The following RAPGEF1 variants were observed in gnomAD, a reference collection of about 807,000 sequenced individuals.
RAPGEF1 encodes CRK SH3-binding GNRP.
Under a neutral mutation model 143.3 loss-of-function variants are expected in RAPGEF1, and 33 were observed. The observed-to-expected ratio is 0.23, with a 90% confidence interval of 0.17 to 0.31. The LOEUF is 0.31. RAPGEF1 is among the 10% of genes least tolerant of loss of function. The pLI, the probability that RAPGEF1 is intolerant of heterozygous loss-of-function variation, is 1.00. For missense variants in RAPGEF1, 1,199 were observed against 1,645.4 expected (o/e 0.73, Z 4.69); for synonymous variants, 629 against 676.5 (o/e 0.93, Z 1.09).
rs1270857015 is a variant in RAPGEF1 at position 131,675,963 on chromosome 9, A to G, written c.62-25014T>C. ...GTGGCCCAGGCTGGAGTGTAGTGGC[A>G]TGGTCGTAGCTCACTACAGCCTTGA... On this transcript the variant is annotated intron_variant, in intron 1 of 26. Coordinates refer to ENST00000683357, the MANE Select transcript of RAPGEF1 (RefSeq NM_001377935.1). The surrounding 1 kb of genome is among the most constrained non-coding windows in gnomAD (Gnocchi z 4.6). Among the ~76,000 whole-genome samples, 2 of 150,558 alleles carry G rather than the reference A, an allele frequency of 1.3e-5. No individual in the cohort carries two copies. Among genetic ancestry groups the G allele is most frequent in the African/African-American group, 4.9e-5 (2 of 40,762 alleles).
Position 131,675,770 on chromosome 9 carries a change from T to C in RAPGEF1, c.62-24821A>G, listed in dbSNP as rs916687422. On this transcript the variant is annotated intron_variant, in intron 1 of 26. Coordinates refer to ENST00000683357, the MANE Select transcript of RAPGEF1 (RefSeq NM_001377935.1). This position sits in a 1 kb window ranked among gnomAD's most constrained non-coding sequence, Gnocchi z 4.6. ...CCTGTAATTTACTGAGCACTTACTA[T>C]ACGCCAGCCCTGACAGGCAGACATT... 2.6e-5 allele frequency among the ~76,000 whole-genome samples: 4 copies of C among 152,240 alleles called. No homozygotes were observed. Among genetic ancestry groups the C allele is most frequent in the Non-Finnish European group, 4.4e-5 (3 of 68,044 alleles).
intron 4 of RAPGEF1, among the ~76,000 whole-genome samples, chr9:131,642,533 T>A (rs1427904403): frequency 6.6e-6 from 1 of 152,212 alleles, no homozygotes; most frequent in Non-Finnish European, 1.5e-5. Context: ...AGGCTGCGCC[T>A]CCTGAACACG....
intron 1 of RAPGEF1, among the ~76,000 whole-genome samples, chr9:131,689,371 T>C (rs1259456012): frequency 6.6e-6 from 1 of 152,182 alleles, no homozygotes; most frequent in African/African-American, 2.4e-5. Flanking sequence ...ATCAATATAC[T>C]AATGCGACAT....
At chr9:131,669,094 C>G (rs1443820500) in intron 1 of RAPGEF1, among the ~76,000 whole-genome samples, 1 of 152,180 alleles carries the variant, frequency 6.6e-6, no homozygotes, top group Non-Finnish European at 1.5e-5. Context: ...GGGGCTGGGT[C>G]GTGGTGATGG....
chr9:131,683,835 G>A (rs1833112799), intron 1 of RAPGEF1, among the ~76,000 whole-genome samples: 1 of 152,100 alleles, frequency 6.6e-6, no homozygotes, highest in South Asian at 2.1e-4. Flanking sequence ...ACAGTTAATT[G>A]AAAATGCTCA....
At chr9:131,660,464 C>G (rs952108340) in intron 1 of RAPGEF1, among the ~76,000 whole-genome samples, 1 of 149,620 alleles carries the variant, frequency 6.7e-6, no homozygotes, top group Non-Finnish European at 1.5e-5. Flanking sequence ...AAACAACAAG[C>G]CATTGTGGGC....
chr9:131,707,615 A>G (rs1835171938), intron 1 of RAPGEF1, among the ~76,000 whole-genome samples: 1 of 151,936 alleles, frequency 6.6e-6, no homozygotes, highest in South Asian at 2.1e-4. Context: ...TAATTTTTGT[A>G]TTTTTAGTAG....
intron 1 of RAPGEF1, among the ~76,000 whole-genome samples, chr9:131,694,445 G>T (rs1461358556): frequency 2.0e-5 from 3 of 152,224 alleles, no homozygotes; most frequent in Admixed American, 6.5e-5. Context: ...GAAAAGCTTT[G>T]TGCCAAATAC....
At chr9:131,730,193 CAAA>C (rs57402366) in intron 1 of RAPGEF1, among the ~76,000 whole-genome samples, 85 of 66,978 alleles carry the variant, frequency 1.3e-3, no homozygotes, top group Admixed American at 2.0e-3. Flanking sequence ...GACTCCCTCT[CAAA>C]AAAAAAAAAA....
At chr9:131,685,109 C>T (rs1045636199) in intron 1 of RAPGEF1, among the ~76,000 whole-genome samples, 1 of 152,160 alleles carries the variant, frequency 6.6e-6, no homozygotes, top group Non-Finnish European at 1.5e-5. Context: ...ACTTACTGGA[C>T]ATATTTATCT....
intron 1 of RAPGEF1, among the ~76,000 whole-genome samples, chr9:131,680,972 G>A (rs181328207): frequency 2.0e-5 from 3 of 152,204 alleles, no homozygotes; most frequent in East Asian, 3.9e-4. Flanking sequence ...GAGGACACCC[G>A]AGTACTCTCA....
chr9:131,658,516 T>C (rs898125317), intron 1 of RAPGEF1, among the ~76,000 whole-genome samples: 1 of 152,242 alleles, frequency 6.6e-6, no homozygotes, highest in Non-Finnish European at 1.5e-5. Flanking sequence ...TAGTCATTCC[T>C]TCCAGAGGAA....
chr9:131,645,528 C>T (rs933232099), intron 3 of RAPGEF1, among the ~76,000 whole-genome samples: 8 of 152,256 alleles, frequency 5.3e-5, no homozygotes, highest in African/African-American at 1.7e-4. Flanking sequence ...CAATGTAGCA[C>T]AGCCAGGCTG....
intron 17 of RAPGEF1, among the ~76,000 whole-genome samples, chr9:131,594,532 CG>C (rs1954907815): frequency 6.6e-6 from 1 of 152,226 alleles, no homozygotes; most frequent in South Asian, 2.1e-4. Context: ...GCCTGAGCCA[CG>C]GGGCTCCCAG....
At chr9:131,691,111 A>AT (rs1226449246) in intron 1 of RAPGEF1, among the ~76,000 whole-genome samples, 1 of 152,234 alleles carries the variant, frequency 6.6e-6, no homozygotes, top group Non-Finnish European at 1.5e-5. Context: ...AAAGAGCTAA[A>AT]TTTTTGCTGA....
At chr9:131,604,156 G>A (rs1384057189) in intron 13 of RAPGEF1, 103 bp from the exon 14 acceptor site, 11 of 652,952 alleles carry the variant, frequency 1.7e-5, no homozygotes, top group Non-Finnish European at 4.8e-6. Context: ...GTCTTCCCAG[G>A]TGCAGAGAGC....
intron 1 of RAPGEF1, among the ~76,000 whole-genome samples, chr9:131,703,475 C>T (rs1424317817): frequency 6.6e-6 from 1 of 152,330 alleles, no homozygotes; most frequent in South Asian, 2.1e-4. Flanking sequence ...ACTGACTGCA[C>T]GCCAGGCACT....
At position 131,626,319 on chromosome 9, in the gene RAPGEF1, C is replaced by G. The variant is rs1054248746; in HGVS notation, c.1305G>C (p.Leu435Phe). 3.1e-6 allele frequency: 5 copies of G among 1,613,880 alleles called. No individual in the cohort carries two copies. The African/African-American group carries it at 4.0e-5, about 13-fold the overall frequency. The change falls in exon 10 of 27, where the codon TTG (leucine) becomes TTC (phenylalanine). Residue 435 changes from leucine to phenylalanine, a missense_variant. Leu to Phe is a conservative substitution (Grantham distance 22, BLOSUM62 0). Coordinates refer to ENST00000683357, the MANE Select transcript of RAPGEF1 (RefSeq NM_001377935.1). ...CAAGAAATGGAGACCCAGACTCCCC[C>G]AAAGACTCTGGCAACGGGCTAAGGT... ...AWNLSPLPES[L>F]GESGSPFLGP... is the part of the protein sequence containing the mutation.
chr9:131,660,731 C>G (rs1251114098), intron 1 of RAPGEF1, among the ~76,000 whole-genome samples: 1 of 152,252 alleles, frequency 6.6e-6, no homozygotes, highest in Non-Finnish European at 1.5e-5. Flanking sequence ...GCCAGCACTG[C>G]CTGCCCCAGA....
Sources: allele counts gnomAD v4.1 joint callset (sites outside exome capture counted in the v4.1 genomes callset), GRCh38; gene constraint gnomAD v4.1.1; non-coding constraint Gnocchi (gnomAD v3.1); transcripts MANE v1.5; gene names NCBI Gene and HGNC (gene_info 2026-07-23, HGNC 2026-07-21).